ARHGAP22: variants seen among roughly 807,000 people sequenced by gnomAD.
The protein encoded by ARHGAP22 is rho GTPase-activating protein 22.
In ARHGAP22, 48 loss-of-function variants were observed where a neutral mutation model predicts 59.1. The ratio of observed to expected loss-of-function variants is 0.81; its 90% CI spans 0.64 to 1.03. ARHGAP22 has a LOEUF of 1.03. Among genes scored for constraint, ARHGAP22 ranks in the 50% least tolerant of loss-of-function variants. The probability of loss-of-function intolerance (pLI) is 0.00; values close to 1 mark genes in which losing one functional copy is unlikely to be tolerated. For missense variants in ARHGAP22, 1,015 were observed against 958.7 expected (o/e 1.06, Z -0.78); for synonymous variants, 445 against 416.4 (o/e 1.07, Z -0.84).
chr10:48,552,210 C>T (rs1256814984), intron 3 of ARHGAP22, among the ~76,000 whole-genome samples: 2 of 152,282 alleles, frequency 1.3e-5, no homozygotes, highest in African/African-American at 4.8e-5. Flanking sequence ...GTTTTTCCCC[C>T]TCTTGGGGGT....
chr10:48,430,976 G>A, the ARHGAP22 span: 1 of 571,482 alleles, frequency 1.7e-6, no homozygotes, highest in Non-Finnish European at 3.1e-6. Flanking sequence ...TTACAGGAAA[G>A]ATTAGTACTT....
chr10:48,618,776 G>A (rs1439830614), intron 1 of ARHGAP22, among the ~76,000 whole-genome samples: 1 of 152,032 alleles, frequency 6.6e-6, no homozygotes, highest in African/African-American at 2.4e-5. Flanking sequence ...TTTCCTCTAG[G>A]ATCTGGAACA....
At position 48,473,570 on chromosome 10, in the gene ARHGAP22, C is replaced by T. The variant is rs535766666; in HGVS notation, c.451+6066G>A. Among the ~76,000 whole-genome samples, 87 of 151,784 alleles carry T rather than the reference C, an allele frequency of 5.7e-4. 1 individual carries two copies. In the Middle Eastern group the frequency reaches 0.01, roughly 18 times the overall value. ...TGAGGACTATTTAGTACTCAGAGAG[C>T]GCTGAGCACTTTATGTCCATTTTCT... On this transcript the variant is annotated intron_variant, in intron 4 of 9. Coordinates refer to ENST00000249601, the MANE Select transcript of ARHGAP22 (RefSeq NM_021226.4).
chr10:48,543,260 G>C (rs1184391427), intron 3 of ARHGAP22, among the ~76,000 whole-genome samples: 2 of 152,210 alleles, frequency 1.3e-5, no homozygotes, highest in Non-Finnish European at 2.9e-5. Context: ...GAGAAGCTCA[G>C]AGCTGCAGGG....
chr10:48,612,611 C>G (rs946305080), intron 1 of ARHGAP22, among the ~76,000 whole-genome samples: 1 of 152,340 alleles, frequency 6.6e-6, no homozygotes, highest in African/African-American at 2.4e-5. Flanking sequence ...CTTTTAGGCT[C>G]TCTGTAGCCA....
upstream of ARHGAP22, among the ~76,000 whole-genome samples, chr10:48,607,226 A>G (rs771514478): frequency 3.3e-5 from 5 of 152,128 alleles, no homozygotes; most frequent in Non-Finnish European, 5.9e-5. Context: ...AACCACCCCC[A>G]GGCGCTTTTC....
intron 1 of ARHGAP22, among the ~76,000 whole-genome samples, chr10:48,611,106 A>G (rs1409511460): frequency 6.6e-6 from 1 of 152,238 alleles, no homozygotes; most frequent in Non-Finnish European, 1.5e-5. Flanking sequence ...GCTTTCAGGT[A>G]AAGAATTTAT....
rs756085780 is a variant in ARHGAP22 at position 48,450,248 on chromosome 10, G to A, written c.1868+13C>T. The A allele has an allele frequency of 2.5e-6, 4 of 1,606,638 alleles. No homozygotes were observed. Among genetic ancestry groups the A allele is most frequent in the Admixed American group, 1.7e-5 (1 of 59,390 alleles). On this transcript the variant is annotated intron_variant, in intron 9 of 9. Coordinates refer to ENST00000249601, the MANE Select transcript of ARHGAP22 (RefSeq NM_021226.4). The stretch of plus-strand genomic sequence containing the variant: ...CGCCCCGTCACAGGAGGCTCCACGG[G>A]GCAGCAAGTTACCTTTTCACACTCC...
chr10:48,582,390 C>T (rs749003561), intron 2 of ARHGAP22, among the ~76,000 whole-genome samples: 13 of 152,142 alleles, frequency 8.5e-5, no homozygotes, highest in Non-Finnish European at 1.5e-4. Context: ...TTGCATGGGC[C>T]GCTGTGACGA....
intron 4 of ARHGAP22, among the ~76,000 whole-genome samples, chr10:48,465,173 C>A (rs2047527441): frequency 6.6e-6 from 1 of 152,240 alleles, no homozygotes; most frequent in Admixed American, 6.5e-5. Flanking sequence ...TTTGTCAGCT[C>A]CCTGGAAACC....
chr10:48,590,549 C>T (rs1437200915), intron 1 of ARHGAP22, among the ~76,000 whole-genome samples: 1 of 152,184 alleles, frequency 6.6e-6, no homozygotes, highest in Non-Finnish European at 1.5e-5. Context: ...CCTCCTTGTG[C>T]TCATTCTGAC....
In ARHGAP22 at chr10:48,583,088, G is replaced by C. The variant is rs752358303; in HGVS notation, c.99C>G (p.His33Gln). 6.2e-7 allele frequency: 1 copy of C among 1,614,282 alleles called. No homozygotes were observed. Among genetic ancestry groups the C allele is most frequent in the South Asian group, 1.1e-5 (1 of 91,092 alleles). ...CCGCCTTCAGCACGGGGCCCAGCCT[G>C]TGAGGGCACGGCATCCGCCCAGGGC... is the stretch of plus-strand genomic sequence containing the variant. ...SRSPGRMPCP[H>Q]RLGPVLKAGW... The change falls in exon 2 of 10, where the codon CAC (histidine) becomes CAG (glutamine). Residue 33 changes from histidine (H) to glutamine (Q), a missense_variant. Physicochemically the swap from His to Gln is conservative, Grantham distance 24 (BLOSUM62 0). Transcript: ENST00000249601.
At chr10:48,522,588 T>C (rs1284072896) in intron 3 of ARHGAP22, among the ~76,000 whole-genome samples, 1 of 152,242 alleles carries the variant, frequency 6.6e-6, no homozygotes, top group Non-Finnish European at 1.5e-5. Context: ...GTCCAGGCCC[T>C]GGCGGGGGTG....
At chr10:48,643,685 T>A (rs1042497918) in intron 1 of ARHGAP22, among the ~76,000 whole-genome samples, 2 of 150,568 alleles carry the variant, frequency 1.3e-5, no homozygotes, top group Non-Finnish European at 2.9e-5. Context: ...CACACCAACA[T>A]GGCACATGTA....
intron 4 of ARHGAP22, 155 bp downstream of exon 4, chr10:48,479,481 G>C: frequency 1.4e-6 from 2 of 1,407,546 alleles, no homozygotes; most frequent in South Asian, 2.8e-5. Flanking sequence ...GACTCCCGAG[G>C]GCTGGCAGTG....
At chr10:48,484,410 A>C (rs1190319111) in intron 3 of ARHGAP22, among the ~76,000 whole-genome samples, 1 of 152,198 alleles carries the variant, frequency 6.6e-6, no homozygotes, top group African/African-American at 2.4e-5. Flanking sequence ...AATTTTGTTA[A>C]AAATATTTTA....
rs1312532116 is a variant in ARHGAP22 at position 48,521,231 on chromosome 10, A to G, written c.322+34232T>C. ...TATTAAGTGGGATTAATGTCACAGCATATCACACCCTCCCCTCCCCGAAAA... is the reference window on the plus strand; with the variant it reads ...TATTAAGTGGGATTAATGTCACAGCGTATCACACCCTCCCCTCCCCGAAAA... On this transcript the variant is annotated intron_variant, in intron 3 of 9. Transcript: ENST00000249601. 3.3e-5 allele frequency among the ~76,000 whole-genome samples: 5 copies of G among 152,174 alleles called. No individual in the cohort carries two copies. In the East Asian group the frequency reaches 9.6e-4, roughly 29 times the overall value.
intron 1 of ARHGAP22, among the ~76,000 whole-genome samples, chr10:48,622,533 T>C (rs1007017085): frequency 3.9e-5 from 6 of 152,234 alleles, no homozygotes; most frequent in Non-Finnish European, 7.3e-5. Flanking sequence ...TGTTTCATGA[T>C]CAAATCAGGG....
chr10:48,547,783 G>A (rs1047446105), intron 3 of ARHGAP22, among the ~76,000 whole-genome samples: 2 of 152,244 alleles, frequency 1.3e-5, no homozygotes, highest in African/African-American at 4.8e-5. Context: ...TCGGCTCGGT[G>A]CAATGTTGTT....
Sources: gnomAD v4.1 joint callset for allele counts (sites outside exome capture counted in the v4.1 genomes callset) on GRCh38, gnomAD v4.1.1 for gene constraint, MANE v1.5 for transcripts, NCBI Gene and HGNC (gene_info 2026-07-23, HGNC 2026-07-21) for gene names.